MROH2A: variants seen among roughly 807,000 people sequenced by gnomAD.
MROH2A encodes the protein maestro heat-like repeat-containing protein family member 2A.
In MROH2A, 174 loss-of-function variants were observed where a neutral mutation model predicts 200.4. That is an observed-to-expected ratio of 0.87 (90% CI 0.77 to 0.98). The LOEUF is 0.98. Among genes scored for constraint, MROH2A ranks in the 50% least tolerant of loss-of-function variants. MROH2A has a pLI of 0.00. For synonymous variants in MROH2A, 829 were observed against 840.4 expected (o/e 0.99, Z 0.23); for missense variants, 2,045 against 2,139.6 (o/e 0.96, Z 0.87).
intron 25 of MROH2A, 58 bp from the exon 26 acceptor site, chr2:233,814,524 G>A (rs1703384741): frequency 7.8e-7 from 1 of 1,280,422 alleles, no homozygotes; most frequent in Non-Finnish European, 1.1e-6. Flanking sequence ...TCCCTGCAGG[G>A]AGGGGGGTTG....
At chr2:233,791,449 G>A (rs1364485283) in intron 5 of MROH2A, among the ~76,000 whole-genome samples, 1 of 152,164 alleles carries the variant, frequency 6.6e-6, no homozygotes, top group Non-Finnish European at 1.5e-5. Flanking sequence ...GAGCTCAAGT[G>A]AAGAACTTCA....
Position 233,831,457 on chromosome 2 carries a change from T to A in MROH2A, c.4651T>A (p.Ser1551Thr). The A allele has an allele frequency of 6.4e-7, 1 of 1,550,540 alleles. No individual in the cohort carries two copies. Residue 1551 changes from serine to threonine, a missense_variant, in exon 39 of 42, where the codon TCC (serine) becomes ACC (threonine). Ser to Thr is a moderately conservative substitution (Grantham distance 58). Around this residue, in one of 3 missense-constraint regions of MROH2A, gnomAD observed 1,201 missense variants for 1,311.3 expected, o/e 0.92. Transcript: ENST00000389758. Reference protein sequence around the residue: ...FQCVHFWGWKSLEHPSGPSDT... With the variant: ...FQCVHFWGWKTLEHPSGPSDT... ...GTGTGTGCACTTCTGGGGCTGGAAG[T>A]CCCTGGAGCATCCCTCAGGGCCAAG...
At chr2:233,819,000 C>T (rs561283295) in intron 29 of MROH2A, among the ~76,000 whole-genome samples, 1 of 152,384 alleles carries the variant, frequency 6.6e-6, no homozygotes, top group African/African-American at 2.4e-5. Context: ...TTGCTGTCTT[C>T]TCCCTGTCCC....
At chr2:233,814,160 G>A (rs997793064) in intron 25 of MROH2A, among the ~76,000 whole-genome samples, 2 of 152,202 alleles carry the variant, frequency 1.3e-5, no homozygotes, top group Non-Finnish European at 2.9e-5. Flanking sequence ...GAAAGAGAAA[G>A]TCTAGGGAAG....
At chr2:233,794,654 G>A (rs150783152) in intron 8 of MROH2A, 148 bp downstream of exon 8, 1 of 597,714 alleles carries the variant, frequency 1.7e-6, no homozygotes, top group Admixed American at 3.0e-5. Flanking sequence ...TGCGAGGGAG[G>A]GGCGTGGAGC....
intron 3 of MROH2A, among the ~76,000 whole-genome samples, chr2:233,788,725 C>G (rs939995766): frequency 6.6e-6 from 1 of 151,892 alleles, no homozygotes; most frequent in East Asian, 1.9e-4. Flanking sequence ...ATCACGAGGT[C>G]AGGAGATGGA....
chr2:233,814,409 C>T (rs777083588), intron 25 of MROH2A, among the ~76,000 whole-genome samples, 173 bp from the exon 26 acceptor site: 68 of 152,296 alleles, frequency 4.5e-4, no homozygotes, highest in Non-Finnish European at 6.9e-4. Context: ...TAAAGTGAAT[C>T]CCTCTTAAAT....
In MROH2A at chr2:233,820,390, C is replaced by T. The variant is rs1007870245; in HGVS notation, c.3512+334C>T. Among the ~76,000 whole-genome samples, 1 of 152,182 alleles carries T rather than the reference C, an allele frequency of 6.6e-6. No individual in the cohort carries two copies. The highest frequency in any genetic ancestry group is 1.5e-5 in the Non-Finnish European group (1 of 68,036). On this transcript the variant is annotated intron_variant, in intron 31 of 41. Coordinates refer to ENST00000389758, the MANE Select transcript of MROH2A (RefSeq NM_001394639.1). The surrounding 1 kb of genome is among the most constrained non-coding windows in gnomAD (Gnocchi z 4.1). ...GCTCCAGCAGATGGGCTGCAGGGTG[C>T]GGCTCCAAGGCATGAGCAAGCCCTG...
chr2:233,814,039 T>A (rs1230613383), intron 25 of MROH2A, among the ~76,000 whole-genome samples: 1 of 152,228 alleles, frequency 6.6e-6, no homozygotes, highest in Non-Finnish European at 1.5e-5. Context: ...GAAATGGAGC[T>A]GCTTTGTGCA....
At chr2:233,804,665 C>T in intron 18 of MROH2A, 118 bp downstream of exon 18, 4 of 894,606 alleles carry the variant, frequency 4.5e-6, no homozygotes, top group South Asian at 3.1e-5. Context: ...GACATGTTCT[C>T]CTTCTGTCAG....
intron 24 of MROH2A, 131 bp from the exon 25 acceptor site, chr2:233,813,539 C>T: frequency 1.6e-6 from 1 of 612,892 alleles, no homozygotes; most frequent in Non-Finnish European, 2.9e-6. Context: ...GGATGCTTGC[C>T]AGAGCCTCCA....
Position 233,820,009 on chromosome 2 carries a change from G to A in MROH2A, c.3465G>A (p.Gln1155=), listed in dbSNP as rs1703829194. 6.5e-7 allele frequency: 1 copy of A among 1,545,722 alleles called. No homozygotes were observed. Among genetic ancestry groups the A allele is most frequent in the African/African-American group, 1.4e-5 (1 of 72,960 alleles). The change falls in exon 31 of 42, where the codon CAG becomes CAA. Residue 1155 remains glutamine (Q), a synonymous_variant. Coordinates refer to ENST00000389758, the MANE Select transcript of MROH2A (RefSeq NM_001394639.1). The surrounding 1 kb of genome is among the most constrained non-coding windows in gnomAD (Gnocchi z 4.1). ...TCCTGCTGCTGGCGCACCACCACCAGGAGACCATCCTCACATCGCTCCTGA... is the reference window on the plus strand; with the variant it reads ...TCCTGCTGCTGGCGCACCACCACCAAGAGACCATCCTCACATCGCTCCTGA... The part of the protein sequence containing the change: ...DGILLLAHHH[Q]ETILTSLLRQ...
intron 8 of MROH2A, 143 bp downstream of exon 8, chr2:233,794,649 G>C (rs1041742743): frequency 8.3e-6 from 5 of 602,376 alleles, no homozygotes; most frequent in South Asian, 5.9e-5. Flanking sequence ...TGCCCTGCGA[G>C]GGAGGGGCGT....
At chr2:233,832,763 T>TGGGGGGGGG in intron 41 of MROH2A, 119 bp downstream of exon 41, 1 of 389,302 alleles carries the variant, frequency 2.6e-6, no homozygotes. Context: ...TTCGGGGGGG[T>TGGGGGGGGG]GGGAGTGCAA....
chr2:233,826,466 T>C (rs1704316259), intron 35 of MROH2A, among the ~76,000 whole-genome samples: 1 of 152,122 alleles, frequency 6.6e-6, no homozygotes, highest in Non-Finnish European at 1.5e-5. Context: ...AAACAAGCAA[T>C]GGGGAAAGGA....
chr2:233,793,604 G>A, intron 6 of MROH2A, 69 bp from the exon 7 acceptor site: 1 of 1,310,962 alleles, frequency 7.6e-7, no homozygotes, highest in African/African-American at 1.5e-5. Flanking sequence ...CGGGAAGCTG[G>A]GCTGGGAAGG....
chr2:233,823,529 C>G (rs370726567), intron 34 of MROH2A, 27 bp from the exon 35 acceptor site: 3 of 1,540,214 alleles, frequency 1.9e-6, no homozygotes, highest in Non-Finnish European at 2.6e-6. Context: ...GCCGCCTCCA[C>G]GACCTGGCAC....
intron 11 of MROH2A, 121 bp downstream of exon 11, chr2:233,796,434 C>T (rs1167827837): frequency 1.6e-6 from 1 of 644,370 alleles, no homozygotes; most frequent in Non-Finnish European, 2.7e-6. Flanking sequence ...CTGGGTGGGC[C>T]AAGAAAGCCA....
chr2:233,828,225 A>G lies in MROH2A; in HGVS notation c.4114-405A>G, dbSNP rs1248803985. 6.6e-6 allele frequency among the ~76,000 whole-genome samples: 1 copy of G among 152,188 alleles called. No homozygotes were observed. Among genetic ancestry groups the G allele is most frequent in the East Asian group, 1.9e-4 (1 of 5,198 alleles). On this transcript the variant is annotated intron_variant, in intron 35 of 41. Transcript: ENST00000389758. This position sits in a 1 kb window ranked among gnomAD's most constrained non-coding sequence, Gnocchi z 4.6. ...CACATGTACACACATGCATGCACCC[A>G]CACGCATACCAGTGAGGTTTTGGCA...
Sources: gnomAD v4.1 joint callset for allele counts (sites outside exome capture counted in the v4.1 genomes callset) on GRCh38, gnomAD v4.1.1 for gene constraint, gnomAD v4.1.1 regional missense constraint, Gnocchi (gnomAD v3.1) non-coding constraint, MANE v1.5 for transcripts, NCBI Gene and HGNC (gene_info 2026-07-23, HGNC 2026-07-21) for gene names.